The following PRKN variants were observed in gnomAD, a reference collection of about 807,000 sequenced individuals.
The protein encoded by PRKN is E3 ubiquitin-protein ligase parkin.
A neutral mutation model predicts 59.5 loss-of-function variants in PRKN; 56 were observed. The ratio of observed to expected loss-of-function variants is 0.94; its 90% CI spans 0.76 to 1.18. The LOEUF (loss-of-function observed/expected upper bound fraction) is 1.18. Among genes scored for constraint, PRKN ranks in the 50% most tolerant of loss-of-function variants. The pLI, the probability that PRKN is intolerant of heterozygous loss-of-function variation, is 0.00. For synonymous variants in PRKN, 250 were observed against 222.1 expected, an observed-to-expected ratio of 1.13 and a Z score of -1.12; for missense variants, 657 against 596.4, an observed-to-expected ratio of 1.10 and a Z score of -1.06.
At chr6:161,676,117 C>G (rs928052848) in intron 7 of PRKN, among the ~76,000 whole-genome samples, 4 of 152,230 alleles carry the variant, frequency 2.6e-5, no homozygotes, top group Admixed American at 2.6e-4. Flanking sequence ...CAGGATCTTC[C>G]AAGCCTGCAG....
At chr6:161,522,803 G>T (rs1778883583) in intron 9 of PRKN, among the ~76,000 whole-genome samples, 1 of 152,194 alleles carries the variant, frequency 6.6e-6, no homozygotes, top group Non-Finnish European at 1.5e-5. Context: ...GTCCTGTGTA[G>T]GGTACTTCCC....
chr6:161,600,913 G>A (rs1782082058), intron 7 of PRKN, among the ~76,000 whole-genome samples: 1 of 151,964 alleles, frequency 6.6e-6, no homozygotes, highest in Non-Finnish European at 1.5e-5. Context: ...AACTCCTAGG[G>A]AAAAAAATAA....
intron 7 of PRKN, among the ~76,000 whole-genome samples, chr6:161,649,009 C>A (rs1036693072): frequency 2.0e-5 from 3 of 152,208 alleles, no homozygotes; most frequent in African/African-American, 7.2e-5. Flanking sequence ...TATTAGCCAT[C>A]TGTGAGTTTG....
At chr6:162,623,679 T>A (rs550194538) in intron 1 of PRKN, among the ~76,000 whole-genome samples, 10 of 152,040 alleles carry the variant, frequency 6.6e-5, no homozygotes, top group Non-Finnish European at 1.3e-4. Flanking sequence ...AAGGCTGTTG[T>A]CCAACAGGTC....
Position 162,231,214 on chromosome 6 carries a change from A to G in PRKN, c.413-29962T>C, listed in dbSNP as rs1044618788. Among the ~76,000 whole-genome samples the G allele has an allele frequency of 3.3e-5, 5 of 152,216 alleles. No homozygotes were observed. The East Asian group carries it at 9.7e-4, about 29-fold the overall frequency. ...AGAGAGCTGAGAGATCCTCCCTAAT[A>G]CAGAAGCCAACCCTCCTGATCACCC... On this transcript the variant is annotated intron_variant, in intron 3 of 11. Transcript: ENST00000366898.
intron 1 of PRKN, among the ~76,000 whole-genome samples, chr6:162,481,929 AAC>A (rs1211876283): frequency 6.6e-6 from 1 of 152,168 alleles, no homozygotes; most frequent in African/African-American, 2.4e-5. Flanking sequence ...AAATTATTAT[AAC>A]ATTTATTTCA....
At chr6:162,487,534 G>T (rs1432748996) in intron 1 of PRKN, among the ~76,000 whole-genome samples, 2 of 152,028 alleles carry the variant, frequency 1.3e-5, no homozygotes, top group Admixed American at 6.6e-5. Context: ...CTGAGGAAAT[G>T]AACACACATA....
At chr6:162,406,414 C>T (rs1788076324) in intron 2 of PRKN, among the ~76,000 whole-genome samples, 1 of 152,194 alleles carries the variant, frequency 6.6e-6, no homozygotes, top group Non-Finnish European at 1.5e-5. Flanking sequence ...CAGAAAAACA[C>T]ACCATTCAAC....
chr6:161,563,627 G>A (rs888383400), intron 8 of PRKN, among the ~76,000 whole-genome samples: 2 of 152,176 alleles, frequency 1.3e-5, no homozygotes, highest in African/African-American at 4.8e-5. Context: ...ATTATTTTAA[G>A]GAGTTTATTT....
At chr6:162,714,328 C>T (rs1202209553) in intron 1 of PRKN, among the ~76,000 whole-genome samples, 6 of 152,184 alleles carry the variant, frequency 3.9e-5, no homozygotes, top group Non-Finnish European at 5.9e-5. Context: ...CTTTGCGTCA[C>T]GGGGCCTTTG....
At chr6:161,892,526 T>A (rs1777443733) in intron 6 of PRKN, among the ~76,000 whole-genome samples, 1 of 152,012 alleles carries the variant, frequency 6.6e-6, no homozygotes, top group African/African-American at 2.4e-5. Context: ...TTTTGCTGGG[T>A]CCCTAAACAT....
At chr6:161,822,917 A>AT (rs1418760694) in intron 6 of PRKN, among the ~76,000 whole-genome samples, 2 of 151,848 alleles carry the variant, frequency 1.3e-5, no homozygotes, top group African/African-American at 4.8e-5. Flanking sequence ...ATCCTTGCCA[A>AT]TTTTTTTAAC....
At chr6:162,432,257 G>A (rs1019498408) in intron 2 of PRKN, among the ~76,000 whole-genome samples, 16 of 152,164 alleles carry the variant, frequency 1.1e-4, no homozygotes, top group African/African-American at 3.6e-4. Context: ...GCTGGGCGCC[G>A]TGGCTCATGC....
chr6:161,509,744 G>A (rs1014628931), intron 9 of PRKN, among the ~76,000 whole-genome samples: 3 of 151,834 alleles, frequency 2.0e-5, no homozygotes, highest in Non-Finnish European at 2.9e-5. Flanking sequence ...GCTGTGTGTG[G>A]TGGTGCGCGC....
chr6:162,128,922 T>C (rs1781232501), intron 4 of PRKN, among the ~76,000 whole-genome samples: 1 of 152,194 alleles, frequency 6.6e-6, no homozygotes, highest in Non-Finnish European at 1.5e-5. Context: ...GAGAAAGAAT[T>C]GCTGCTGTTT....
At chr6:161,829,318 C>G (rs564761708) in intron 6 of PRKN, among the ~76,000 whole-genome samples, 5 of 152,216 alleles carry the variant, frequency 3.3e-5, no homozygotes, top group African/African-American at 9.6e-5. Context: ...CACCCATGAG[C>G]TCCTTTGCCA....
intron 3 of PRKN, among the ~76,000 whole-genome samples, chr6:162,249,204 T>G (rs940672547): frequency 1.3e-5 from 2 of 152,208 alleles, no homozygotes; most frequent in African/African-American, 4.8e-5. Flanking sequence ...AAACTGTAAG[T>G]AGTATCTGAT....
At chr6:161,950,460 C>A (rs1325379057) in intron 6 of PRKN, among the ~76,000 whole-genome samples, 1 of 152,128 alleles carries the variant, frequency 6.6e-6, no homozygotes, top group Non-Finnish European at 1.5e-5. Context: ...AGGAGACTCA[C>A]TTGAACCTGG....
At chr6:162,550,165 A>C (rs1420993912) in intron 1 of PRKN, among the ~76,000 whole-genome samples, 1 of 152,194 alleles carries the variant, frequency 6.6e-6, no homozygotes, top group Non-Finnish European at 1.5e-5. Context: ...TAAGAATGAT[A>C]ATAATAATGA....
Sources: gnomAD v4.1 joint callset for allele counts (sites outside exome capture counted in the v4.1 genomes callset) on GRCh38, gnomAD v4.1.1 for gene constraint, MANE v1.5 for transcripts, NCBI Gene and HGNC (gene_info 2026-07-23, HGNC 2026-07-21) for gene names.